The following SLC24A1 variants were observed in gnomAD, a reference collection of about 807,000 sequenced individuals.
SLC24A1 encodes the protein solute carrier family 24 member 1, also known as sodium/potassium/calcium exchanger 1.
Under a neutral mutation model 88.1 loss-of-function variants are expected in SLC24A1, and 52 were observed. That is an observed-to-expected ratio of 0.59 (90% confidence interval 0.47 to 0.74). The LOEUF is 0.74. Ranked by LOEUF, SLC24A1 falls within the 30% of genes least tolerant of loss-of-function variation. The probability of loss-of-function intolerance (pLI) is 0.00; values close to 1 mark genes in which losing one functional copy is unlikely to be tolerated. For synonymous variants in SLC24A1, 455 were observed against 498.0 expected, an observed-to-expected ratio of 0.91 and a Z score of 1.15; for missense variants, 1,173 against 1,363.3, an observed-to-expected ratio of 0.86 and a Z score of 2.20.
Position 65,650,353 on chromosome 15 carries a change from C to G in SLC24A1, c.2233-29C>G. 1 of 1,528,246 alleles carries G rather than the reference C, an allele frequency of 6.5e-7. No homozygotes were observed. Among genetic ancestry groups the G allele is most frequent in the Non-Finnish European group, 8.9e-7 (1 of 1,128,768 alleles). The allele number at this position is 1,528,246 out of a possible 1,614,324, so 94.7% of individuals were successfully genotyped here. A position where few individuals can be genotyped will look rare whatever the true frequency, so the allele number is the denominator to read the frequency against. ...AGGAAAACAAGCAGAGCAGTTACCA[C>G]ACATTAATCTGTTGGTTTTGGATTG... On this transcript the variant is annotated intron_variant, in intron 6 of 9. Coordinates refer to ENST00000261892, the MANE Select transcript of SLC24A1 (RefSeq NM_004727.3). This position sits in a 1 kb window ranked among gnomAD's most constrained non-coding sequence, Gnocchi z 4.1.
At position 65,654,238 on chromosome 15, in the gene SLC24A1, T is replaced by G. The variant is rs1566968726; in HGVS notation, c.*159T>G. ...TGTGATCTGAGACTAAAGTTTGTCC[T>G]TGGAAACACCTGCAGCTCATTGTGG... On this transcript the variant is annotated 3_prime_UTR_variant, in exon 10 of 10. Coordinates refer to ENST00000261892, the MANE Select transcript of SLC24A1 (RefSeq NM_004727.3). 7.0e-7 allele frequency: 1 copy of G among 1,422,174 alleles called. No homozygotes were observed. The highest frequency in any genetic ancestry group is 2.5e-5 in the East Asian group (1 of 40,000). 88.1% of individuals were successfully genotyped at this position (1,422,174 alleles called of 1,614,324 possible).
In SLC24A1 at chr15:65,639,692, C is replaced by G. The variant is rs768798318; in HGVS notation, c.2042C>G (p.Pro681Arg). 3 of 1,610,392 alleles carry G rather than the reference C, an allele frequency of 1.9e-6. No homozygotes were observed. In the African/African-American group the frequency reaches 4.0e-5, roughly 22 times the overall value. Residue 681 changes from proline to arginine, a missense_variant, in exon 4 of 10, where the codon CCC (proline) becomes CGC (arginine). By Grantham distance (103) the Pro-to-Arg change is moderately radical (BLOSUM62 -2). Coordinates refer to ENST00000261892, the MANE Select transcript of SLC24A1 (RefSeq NM_004727.3). ...CAGCTCATGCTCCACAGCCTGGACC[C>G]CCTGAGGGAAGGTAAGCAAGGCCTC... The part of the protein sequence containing the change: ...IYQLMLHSLD[P>R]LREVRLAKEK...
chr15:65,631,895 G>A (rs986303456), intron 2 of SLC24A1, among the ~76,000 whole-genome samples: 1 of 152,094 alleles, frequency 6.6e-6, no homozygotes. Context: ...GCAGTGGCGC[G>A]ATCTCAGCTC....
At chr15:65,644,554 C>T (rs756370604) in intron 5 of SLC24A1, 41 bp downstream of exon 5, 5 of 1,382,410 alleles carry the variant, frequency 3.6e-6, no homozygotes, top group African/African-American at 1.4e-5. Context: ...TCCTGCCCCC[C>T]TCTCCCTGCT....
At chr15:65,629,178 T>C (rs2074620795) in intron 2 of SLC24A1, among the ~76,000 whole-genome samples, 1 of 152,260 alleles carries the variant, frequency 6.6e-6, no homozygotes, top group Non-Finnish European at 1.5e-5. Context: ...CAATCCATTT[T>C]ATTACTGGAT....
At chr15:65,632,737 C>T (rs981475225) in intron 2 of SLC24A1, among the ~76,000 whole-genome samples, 12 of 152,202 alleles carry the variant, frequency 7.9e-5, no homozygotes, top group African/African-American at 2.7e-4. Context: ...AGTTCCAGCT[C>T]TCAAGGAGCT....
In SLC24A1 at chr15:65,625,672, C is replaced by T; in HGVS notation, c.1592C>T (p.Ser531Phe). ...SNVGIGTIVGSAVFNILFVIG... is the reference protein window; with the variant it reads ...SNVGIGTIVGFAVFNILFVIG... ...GTGGGCATTGGTACCATTGTGGGCT[C>T]TGCTGTGTTCAACATTCTCTTTGTC... Residue 531 changes from serine (S) to phenylalanine (F), a missense_variant, in exon 2 of 10, where the codon TCT becomes TTT. By Grantham distance (155) the Ser-to-Phe change is radical. Coordinates refer to ENST00000261892, the MANE Select transcript of SLC24A1 (RefSeq NM_004727.3). The T allele has an allele frequency of 1.2e-6, 2 of 1,614,052 alleles. No individual in the cohort carries two copies. Among genetic ancestry groups the T allele is most frequent in the Non-Finnish European group, 1.7e-6 (2 of 1,179,898 alleles).
At chr15:65,651,315 A>G (rs888519786) in intron 7 of SLC24A1, among the ~76,000 whole-genome samples, 2 of 152,138 alleles carry the variant, frequency 1.3e-5, no homozygotes, top group African/African-American at 4.8e-5. Flanking sequence ...TATACCCAAC[A>G]TTCTTATTTG....
chr15:65,616,383 A>G (rs983768715), intron 2 of SLC24A1, among the ~76,000 whole-genome samples: 3 of 152,222 alleles, frequency 2.0e-5, no homozygotes, highest in African/African-American at 4.8e-5. Flanking sequence ...CATCCTCTCT[A>G]GCATCTGTTG....
chr15:65,624,180 A>G lies in SLC24A1; in HGVS notation c.100A>G (p.Ile34Val). 1.9e-6 allele frequency: 3 copies of G among 1,613,878 alleles called. No individual in the cohort carries two copies. Among genetic ancestry groups the G allele is most frequent in the East Asian group, 2.2e-5 (1 of 44,860 alleles). Residue 34 changes from isoleucine to valine, a missense_variant, in exon 2 of 10, where the codon ATC (isoleucine) becomes GTC (valine). By Grantham distance (29) the Ile-to-Val change is conservative. Transcript: ENST00000261892. Reference sequence around the variant, plus strand: ...CCTCTTCTTACTGGGAATGTTGATCATCGGTTCTACTTATCAGCACCTTAG... The same window carrying G: ...CCTCTTCTTACTGGGAATGTTGATCGTCGGTTCTACTTATCAGCACCTTAG... ...RLLFLLGMLI[I>V]GSTYQHLRRP... is the part of the protein sequence containing the mutation.
chr15:65,637,186 A>G (rs968441472), intron 2 of SLC24A1, among the ~76,000 whole-genome samples: 1 of 152,216 alleles, frequency 6.6e-6, no homozygotes, highest in African/African-American at 2.4e-5. Flanking sequence ...GTAAATACAC[A>G]GGCTTAATGC....
chr15:65,624,883 T>C lies in SLC24A1; in HGVS notation c.803T>C (p.Val268Ala), dbSNP rs202245263. The C allele has an allele frequency of 6.9e-4, 1,107 of 1,613,884 alleles. 2 individuals carry two copies. Among genetic ancestry groups the C allele is most frequent in the Non-Finnish European group, 8.6e-4 (1,017 of 1,179,900 alleles). The stretch of plus-strand genomic sequence containing the variant: ...CTGACACATGAGGTAGAAGCAAACG[T>C]CTTGACTTCTCCAAGGAGCGTCATG... ...TFLTHEVEAN[V>A]LTSPRSVMEK... Residue 268 changes from valine (V) to alanine (A), a missense_variant, in exon 2 of 10, where the codon GTC becomes GCC. Val to Ala is a moderately conservative substitution (Grantham distance 64). Transcript: ENST00000261892.
rs990941052 is a variant in SLC24A1, at chr15:65,656,148, G to A, written c.*2069G>A. On this transcript the variant is annotated 3_prime_UTR_variant, in exon 10 of 10. Coordinates refer to ENST00000261892, the MANE Select transcript of SLC24A1 (RefSeq NM_004727.3). ...GGATGTCACCTCACCCACAGCCTGG[G>A]ATCTGACGTTCTTCCTCAGACTGGA... 1 of 985,320 alleles carries A rather than the reference G, an allele frequency of 1.0e-6. No homozygotes were observed. Among genetic ancestry groups the A allele is most frequent in the African/African-American group, 1.7e-5 (1 of 57,220 alleles). The allele number at this position is 985,320 out of a possible 1,614,324, so 61.0% of individuals were successfully genotyped here. A position where few individuals can be genotyped will look rare whatever the true frequency, so the allele number is the denominator to read the frequency against.
intron 4 of SLC24A1, among the ~76,000 whole-genome samples, chr15:65,641,333 C>T (rs1467975761): frequency 6.6e-6 from 1 of 152,092 alleles, no homozygotes; most frequent in Non-Finnish European, 1.5e-5. Context: ...GCACTCCAGC[C>T]TGGTGACAGA....
Position 65,654,852 on chromosome 15 carries a change from C to T in SLC24A1, c.*773C>T. The T allele has an allele frequency of 9.1e-7, 1 of 1,095,102 alleles. No individual in the cohort carries two copies. Among genetic ancestry groups the T allele is most frequent in the Non-Finnish European group, 1.2e-6 (1 of 851,314 alleles). The allele number at this position is 1,095,102 out of a possible 1,614,324, so 67.8% of individuals were successfully genotyped here. On this transcript the variant is annotated 3_prime_UTR_variant, in exon 10 of 10. Coordinates refer to ENST00000261892, the MANE Select transcript of SLC24A1 (RefSeq NM_004727.3). The stretch of plus-strand genomic sequence containing the variant: ...TGAAGTCGTGATCTGCCCGCCTCGG[C>T]CTCCCAAAGTGCTGGGATTACAGGC...
chr15:65,634,269 G>A (rs1477550556), intron 2 of SLC24A1, among the ~76,000 whole-genome samples: 3 of 152,222 alleles, frequency 2.0e-5, no homozygotes, highest in African/African-American at 7.2e-5. Flanking sequence ...TGGTTGAGAA[G>A]AGGAATTGCT....
chr15:65,635,126 C>T (rs2074872069), intron 2 of SLC24A1, among the ~76,000 whole-genome samples: 1 of 152,096 alleles, frequency 6.6e-6, no homozygotes, highest in Non-Finnish European at 1.5e-5. Context: ...GTCTCTCCTA[C>T]CCCTCGGTGT....
Position 65,650,645 on chromosome 15 carries a change from A to G in SLC24A1, c.2496A>G (p.Glu832=), listed in dbSNP as rs1438148017. 2.6e-6 allele frequency: 4 copies of G among 1,549,496 alleles called. No individual in the cohort carries two copies. The highest frequency in any genetic ancestry group is 1.2e-5 in the South Asian group (1 of 83,798). ...ATGAAGGTGAAACTGAAAGCCAGGA[A>G]CTCAGTGCTGAAAATCACGGTGAAG... ...KGNEGETESQ[E]LSAENHGEAK... Residue 832 remains glutamate, a synonymous_variant, in exon 7 of 10, where the codon GAA becomes GAG. Coordinates refer to ENST00000261892, the MANE Select transcript of SLC24A1 (RefSeq NM_004727.3). This position sits in a 1 kb window ranked among gnomAD's most constrained non-coding sequence, Gnocchi z 4.1.
upstream of SLC24A1, among the ~76,000 whole-genome samples, chr15:65,620,324 C>G (rs1388685937): frequency 6.6e-6 from 1 of 152,088 alleles, no homozygotes; most frequent in Non-Finnish European, 1.5e-5. Flanking sequence ...GCTGACCCCT[C>G]TAACACAATC....
Sources: gnomAD v4.1 joint callset for allele counts (sites outside exome capture counted in the v4.1 genomes callset) on GRCh38, gnomAD v4.1.1 for gene constraint, Gnocchi (gnomAD v3.1) non-coding constraint, MANE v1.5 for transcripts, NCBI Gene and HGNC (gene_info 2026-07-23, HGNC 2026-07-21) for gene names.